Variants in DHX34 observed in about 807,000 individuals in gnomAD.
DHX34 encodes probable ATP-dependent RNA helicase DHX34.
DHX34 carries 96 observed loss-of-function variants against 111.1 expected under a neutral mutation model. That is an observed-to-expected ratio of 0.86 (90% CI 0.73 to 1.02). The LOEUF is 1.02. DHX34 is among the 50% of genes least tolerant of loss of function. DHX34 has a pLI of 0.00. For synonymous variants in DHX34, 688 were observed against 670.4 expected (o/e 1.03, Z -0.41); for missense variants, 1,560 against 1,579.9 (o/e 0.99, Z 0.21).
At position 47,377,358 on chromosome 19, in the gene DHX34, TTC is replaced by T. The variant is rs1486450417; in HGVS notation, c.2706+157_2706+158del. The T allele has an allele frequency of 1.8e-5, 14 of 798,778 alleles. No homozygotes were observed. In the Admixed American group the frequency reaches 3.7e-4, roughly 21 times the overall value. The allele number at this position is 798,778 out of a possible 1,614,324, so 49.5% of individuals were successfully genotyped here. A position where few individuals can be genotyped will look rare whatever the true frequency, so the allele number is the denominator to read the frequency against. The stretch of plus-strand genomic sequence containing the variant: ...CTTGGGCCGTTGCTGTGGCTGCTTT[TTC>T]TCTCATTCATGGACTTGCTCAACAG... On this transcript the variant is annotated intron_variant, in intron 13 of 16. Transcript: ENST00000328771.
chr19:47,359,142 G>A (rs781732607), intron 4 of DHX34, among the ~76,000 whole-genome samples: 9 of 152,152 alleles, frequency 5.9e-5, no homozygotes, highest in Non-Finnish European at 1.0e-4. Context: ...GCAGGGGCTG[G>A]GCTGTCGGAG....
At chr19:47,350,524 C>G (rs1303225309) in intron 1 of DHX34, among the ~76,000 whole-genome samples, 1 of 151,262 alleles carries the variant, frequency 6.6e-6, no homozygotes, top group African/African-American at 2.4e-5. Context: ...TGGGTTCAAG[C>G]GAGTCTCCTG....
At chr19:47,358,215 C>A (rs948380034) in intron 4 of DHX34, 95 bp downstream of exon 4, 17 of 1,490,940 alleles carry the variant, frequency 1.1e-5, no homozygotes, top group Non-Finnish European at 1.5e-5. Flanking sequence ...ACACAGGGCT[C>A]GGGGGCTGTA....
At chr19:47,355,418 C>T in intron 3 of DHX34, 68 bp downstream of exon 3, 1 of 1,554,758 alleles carries the variant, frequency 6.4e-7, no homozygotes, top group South Asian at 1.2e-5. Context: ...CCTGGACATG[C>T]CTCTTCTCTC....
chr19:47,350,420 A>ATTT (rs113841688), intron 1 of DHX34, among the ~76,000 whole-genome samples: 133 of 137,798 alleles, frequency 9.7e-4, no homozygotes, highest in African/African-American at 3.4e-3. Flanking sequence ...ACAAAAATGA[A>ATTT]TTTTTTTTTT....
chr19:47,355,415 A>ATGC, intron 3 of DHX34, 65 bp downstream of exon 3: 1 of 1,566,468 alleles, frequency 6.4e-7, no homozygotes, highest in Non-Finnish European at 8.7e-7. Flanking sequence ...AAACCTGGAC[A>ATGC]TGCCTCTTCT....
intron 7 of DHX34, among the ~76,000 whole-genome samples, chr19:47,370,447 G>C (rs111458571): frequency 0.02 from 3,089 of 152,236 alleles, 46 homozygotes; most frequent in Middle Eastern, 0.041. Flanking sequence ...CACCCCTCCC[G>C]GGGAGCTCAC....
chr19:47,382,253 T>G lies in DHX34; in HGVS notation c.*140T>G. ...CAGTGCAGAGGGCCTGGAGCACGGA[T>G]TGTGAATAAAGCCTCACATGCTGAT... On this transcript the variant is annotated 3_prime_UTR_variant, in exon 17 of 17. Coordinates refer to ENST00000328771, the MANE Select transcript of DHX34 (RefSeq NM_014681.6). 1 of 1,415,848 alleles carries G rather than the reference T, an allele frequency of 7.1e-7. No individual in the cohort carries two copies. The allele number at this position is 1,415,848 out of a possible 1,614,324, so 87.7% of individuals were successfully genotyped here.
chr19:47,376,217 C>CA, intron 11 of DHX34, 120 bp downstream of exon 11: 1 of 1,448,212 alleles, frequency 6.9e-7, no homozygotes, highest in Non-Finnish European at 9.1e-7. Flanking sequence ...CCATGGGGCT[C>CA]ACAACCCAGT....
Position 47,377,124 on chromosome 19 carries a change from A to G in DHX34, c.2624A>G (p.Lys875Arg). 1.2e-6 allele frequency: 2 copies of G among 1,614,040 alleles called. No homozygotes were observed. The highest frequency in any genetic ancestry group is 2.2e-5 in the East Asian group (1 of 44,872). Residue 875 changes from lysine to arginine, a missense_variant, in exon 13 of 17, where the codon AAA becomes AGA. Lys to Arg is a conservative substitution (Grantham distance 26). Coordinates refer to ENST00000328771, the MANE Select transcript of DHX34 (RefSeq NM_014681.6). The part of the protein sequence containing the change: ...SRDDKDKMSS[K>R]HQLLSFVSLL... Reference sequence around the variant, plus strand: ...GACGACAAGGACAAGATGAGCAGCAAACACCAGCTCCTCAGCTTCGTGTCC... The same window carrying G: ...GACGACAAGGACAAGATGAGCAGCAGACACCAGCTCCTCAGCTTCGTGTCC...
intron 6 of DHX34, among the ~76,000 whole-genome samples, chr19:47,363,639 G>A (rs988699478): frequency 9.9e-5 from 15 of 151,986 alleles, no homozygotes; most frequent in African/African-American, 3.4e-4. Context: ...CCAACATGGT[G>A]AAACCAGTCT....
chr19:47,371,038 T>C (rs1969950059), intron 7 of DHX34, among the ~76,000 whole-genome samples: 1 of 152,196 alleles, frequency 6.6e-6, no homozygotes, highest in African/African-American at 2.4e-5. Context: ...AGCAGAAGAA[T>C]GTTCTGTGAG....
chr19:47,367,699 C>T (rs939983985), intron 7 of DHX34, among the ~76,000 whole-genome samples: 1 of 152,002 alleles, frequency 6.6e-6, no homozygotes, highest in Admixed American at 6.6e-5. Context: ...ACCAGCCTGG[C>T]CAACATGGTG....
At chr19:47,364,575 C>T (rs2122268003) in intron 6 of DHX34, among the ~76,000 whole-genome samples, 1 of 152,012 alleles carries the variant, frequency 6.6e-6, no homozygotes, top group Non-Finnish European at 1.5e-5. Flanking sequence ...GGCCCTGACT[C>T]TAGAAAAAAT....
rs1349204459 is a variant in DHX34 at position 47,353,631 on chromosome 19, G to A, written c.601G>A (p.Ala201Thr). 1 of 1,613,168 alleles carries A rather than the reference G, an allele frequency of 6.2e-7. No homozygotes were observed. Residue 201 changes from alanine (A) to threonine (T), a missense_variant, in exon 2 of 17, where the codon GCT becomes ACT. Ala to Thr is a moderately conservative substitution (Grantham distance 58, BLOSUM62 0). Transcript: ENST00000328771. The surrounding 1 kb of genome is among the most constrained non-coding windows in gnomAD (Gnocchi z 4.6). ...CACTCAGGTGCCCCAGTACCTGCTGGCTGCTGGCTTCAGTCATGTGGCGTG... is the reference window on the plus strand; with the variant it reads ...CACTCAGGTGCCCCAGTACCTGCTGACTGCTGGCTTCAGTCATGTGGCGTG... ...KSTQVPQYLL[A>T]AGFSHVACTQ...
At chr19:47,366,255 C>G (rs1969782119) in intron 6 of DHX34, among the ~76,000 whole-genome samples, 1 of 152,106 alleles carries the variant, frequency 6.6e-6, no homozygotes. Flanking sequence ...CACAGTGGAT[C>G]TTGACATTGG....
Position 47,358,378 on chromosome 19 carries a change from C to G in DHX34, c.1272+258C>G, listed in dbSNP as rs577981543. 5.3e-5 allele frequency among the ~76,000 whole-genome samples: 8 copies of G among 152,192 alleles called. No individual in the cohort carries two copies. The East Asian group carries it at 1.4e-3, about 26-fold the overall frequency. ...GTCCTATCGACCATGGGCTCTCTGT[C>G]TGTCACAGCTACTCAGCCCCACTGT... is the stretch of plus-strand genomic sequence containing the variant. On this transcript the variant is annotated intron_variant, in intron 4 of 16. Coordinates refer to ENST00000328771, the MANE Select transcript of DHX34 (RefSeq NM_014681.6).
chr19:47,372,230 G>T (rs1437145755), intron 7 of DHX34, among the ~76,000 whole-genome samples: 3 of 151,878 alleles, frequency 2.0e-5, no homozygotes, highest in Non-Finnish European at 4.4e-5. Context: ...AACAAAGGCT[G>T]CAGGAGAAGA....
intron 9 of DHX34, among the ~76,000 whole-genome samples, chr19:47,374,718 T>A (rs2122334429): frequency 6.6e-6 from 1 of 152,288 alleles, no homozygotes; most frequent in East Asian, 1.9e-4. Flanking sequence ...ATGCCCCGAT[T>A]GCTCTGAGCA....
Sources: allele counts gnomAD v4.1 joint callset (sites outside exome capture counted in the v4.1 genomes callset), GRCh38; gene constraint gnomAD v4.1.1; non-coding constraint Gnocchi (gnomAD v3.1); transcripts MANE v1.5; gene names NCBI Gene and HGNC (gene_info 2026-07-23, HGNC 2026-07-21).